TSPAN9: variants seen among roughly 807,000 people sequenced by gnomAD.
The protein encoded by TSPAN9 is tetraspanin-9.
A neutral mutation model predicts 31.0 loss-of-function variants in TSPAN9; 16 were observed. That is an observed-to-expected ratio of 0.52 (90% CI 0.35 to 0.78). The LOEUF (loss-of-function observed/expected upper bound fraction) is 0.78. Among genes scored for constraint, TSPAN9 ranks in the 30% least tolerant of loss-of-function variants. TSPAN9 has a pLI of 0.01. For synonymous variants in TSPAN9, 145 were observed against 121.6 expected (o/e 1.19, Z -1.27); for missense variants, 272 against 312.5 (o/e 0.87, Z 0.98).
In TSPAN9 at chr12:3,281,634, A is replaced by G. The variant is rs539692986; in HGVS notation, c.565-100A>G. On this transcript the variant is annotated intron_variant, in intron 7 of 8. Coordinates refer to ENST00000011898, the MANE Select transcript of TSPAN9 (RefSeq NM_006675.5). The stretch of plus-strand genomic sequence containing the variant: ...TGAGGCCAGGGAGGGCTGGGAGGTA[A>G]GAGCGAGGACGAGGTGGAAGGAGAG... 1.5e-4 allele frequency: 200 copies of G among 1,370,554 alleles called. 1 individual carries two copies. In the East Asian group the frequency reaches 4.5e-3, roughly 31 times the overall value. 84.9% of individuals were successfully genotyped at this position (1,370,554 alleles called of 1,614,324 possible). A position where few individuals can be genotyped will look rare whatever the true frequency, so the allele number is the denominator to read the frequency against.
chr12:3,095,691 C>T (rs1371999926), intron 2 of TSPAN9, among the ~76,000 whole-genome samples: 16 of 148,676 alleles, frequency 1.1e-4, no homozygotes, highest in South Asian at 4.3e-4. Flanking sequence ...TCCTCACTTC[C>T]CAGATGGGGC....
intron 3 of TSPAN9, among the ~76,000 whole-genome samples, chr12:3,235,023 C>T (rs973681451): frequency 7.7e-4 from 114 of 147,772 alleles, no homozygotes; most frequent in African/African-American, 2.6e-3. Context: ...AAAAATTAGC[C>T]GGGCGTGGTG....
At chr12:3,103,808 G>A (rs1247975685) in intron 2 of TSPAN9, among the ~76,000 whole-genome samples, 1 of 152,160 alleles carries the variant, frequency 6.6e-6, no homozygotes, top group African/African-American at 2.4e-5. Context: ...TATTTGAAGG[G>A]CTCCTCTGGC....
intron 3 of TSPAN9, among the ~76,000 whole-genome samples, chr12:3,268,254 GCA>G (rs68074634): frequency 0.012 from 1,369 of 115,490 alleles, 13 homozygotes; most frequent in East Asian, 0.024. Flanking sequence ...TGCCCTCTGT[GCA>G]TTCCTGCAGC....
At chr12:3,142,974 C>G (rs1190081418) in intron 2 of TSPAN9, among the ~76,000 whole-genome samples, 1 of 152,140 alleles carries the variant, frequency 6.6e-6, no homozygotes, top group African/African-American at 2.4e-5. Flanking sequence ...TCTTTCATGA[C>G]CTTGACAGTG....
At chr12:3,135,454 G>T (rs1384289669) in intron 2 of TSPAN9, among the ~76,000 whole-genome samples, 2 of 152,168 alleles carry the variant, frequency 1.3e-5, no homozygotes, top group Admixed American at 1.3e-4. Context: ...AGGATAGGCA[G>T]CAGGCTTTTG....
intron 3 of TSPAN9, among the ~76,000 whole-genome samples, chr12:3,220,161 G>GAAAAAAAAAAAAAAAAAAAAAAA (rs2098383665): frequency 7.2e-6 from 1 of 139,526 alleles, no homozygotes; most frequent in East Asian, 2.0e-4. Flanking sequence ...AAAAAAAAAG[G>GAAAAAAAAAAAAAAAAAAAAAAA]AATGAATCTA....
At chr12:3,137,303 G>A (rs796674751) in intron 2 of TSPAN9, among the ~76,000 whole-genome samples, 1 of 152,160 alleles carries the variant, frequency 6.6e-6, no homozygotes, top group Non-Finnish European at 1.5e-5. Context: ...ACGTTTCCCC[G>A]GGCCACGCTC....
chr12:3,096,214 T>G (rs1238340782), intron 2 of TSPAN9, among the ~76,000 whole-genome samples: 3 of 152,228 alleles, frequency 2.0e-5, no homozygotes, highest in Admixed American at 2.0e-4. Context: ...ACATAGATAC[T>G]GCCACATCCT....
At chr12:3,152,804 T>G (rs1430413823) in intron 2 of TSPAN9, among the ~76,000 whole-genome samples, 1 of 152,176 alleles carries the variant, frequency 6.6e-6, no homozygotes, top group Non-Finnish European at 1.5e-5. Context: ...GCCAGGCTGG[T>G]CTTGAACTCC....
chr12:3,201,025 C>T, intron 2 of TSPAN9, 152 bp from the exon 3 acceptor site: 1 of 656,494 alleles, frequency 1.5e-6, no homozygotes, highest in Non-Finnish European at 2.6e-6. Flanking sequence ...GCCCGTTCGG[C>T]CGCGGCTTCA....
At chr12:3,206,898 T>C (rs974911855) in intron 3 of TSPAN9, among the ~76,000 whole-genome samples, 3 of 152,294 alleles carry the variant, frequency 2.0e-5, no homozygotes, top group African/African-American at 7.2e-5. Flanking sequence ...AGGAGCTTGC[T>C]GATTAGATCA....
intron 2 of TSPAN9, among the ~76,000 whole-genome samples, chr12:3,184,175 A>C (rs2098359876): frequency 6.6e-6 from 1 of 152,232 alleles, no homozygotes; most frequent in East Asian, 1.9e-4. Context: ...AGCTCGCTTG[A>C]GTTCAGGAGT....
At chr12:3,099,635 A>G (rs998814370) in intron 2 of TSPAN9, among the ~76,000 whole-genome samples, 7 of 152,006 alleles carry the variant, frequency 4.6e-5, no homozygotes, top group African/African-American at 1.5e-4. Flanking sequence ...GGGTTTTGTT[A>G]TATTTCCTTG....
chr12:3,146,607 G>A (rs1462336396), intron 2 of TSPAN9, among the ~76,000 whole-genome samples: 2 of 152,138 alleles, frequency 1.3e-5, no homozygotes, highest in Non-Finnish European at 2.9e-5. Context: ...ATGCCTCTGT[G>A]CGCTCTGCTC....
At chr12:3,254,722 TG>T (rs1288567100) in intron 3 of TSPAN9, among the ~76,000 whole-genome samples, 1 of 152,168 alleles carries the variant, frequency 6.6e-6, no homozygotes, top group Admixed American at 6.5e-5. Flanking sequence ...ATATAGAAAA[TG>T]GTTTGCACAT....
chr12:3,214,932 C>T (rs1012297833), intron 3 of TSPAN9, among the ~76,000 whole-genome samples: 3 of 151,522 alleles, frequency 2.0e-5, no homozygotes, highest in Non-Finnish European at 4.4e-5. Context: ...TGTTCCCTGG[C>T]GCTGCCTGCC....
At chr12:3,114,316 A>G (rs2098320914) in intron 2 of TSPAN9, among the ~76,000 whole-genome samples, 1 of 152,142 alleles carries the variant, frequency 6.6e-6, no homozygotes, top group South Asian at 2.1e-4. Context: ...ATTTTTTTTC[A>G]ACCTTATAAA....
At chr12:3,221,123 C>T (rs144188093) in intron 3 of TSPAN9, among the ~76,000 whole-genome samples, 3 of 152,258 alleles carry the variant, frequency 2.0e-5, no homozygotes, top group East Asian at 3.9e-4. Context: ...GTGGCCAAGA[C>T]TTTCCAGGCT....
Sources: gnomAD v4.1 joint callset for allele counts (sites outside exome capture counted in the v4.1 genomes callset) on GRCh38, gnomAD v4.1.1 for gene constraint, MANE v1.5 for transcripts, NCBI Gene and HGNC (gene_info 2026-07-23, HGNC 2026-07-21) for gene names.